The following BTAF1 variants were observed in gnomAD, a reference collection of about 807,000 sequenced individuals.
BTAF1 encodes the protein TATA-binding protein-associated factor 172.
In BTAF1, 38 loss-of-function variants were observed where a neutral mutation model predicts 227.1. The observed-to-expected ratio is 0.17, with a 90% CI of 0.13 to 0.22. The LOEUF is 0.22. Ranked by LOEUF, BTAF1 falls within the 10% of genes least tolerant of loss-of-function variation. The pLI, the probability that BTAF1 is intolerant of heterozygous loss-of-function variation, is 1.00. For missense variants in BTAF1, 1,598 were observed against 2,204.0 expected, an observed-to-expected ratio of 0.73 and a Z score of 5.51; for synonymous variants, 742 against 751.9, an observed-to-expected ratio of 0.99 and a Z score of 0.21.
At chr10:91,992,619 A>G (rs554378470) in intron 21 of BTAF1, among the ~76,000 whole-genome samples, 7 of 152,322 alleles carry the variant, frequency 4.6e-5, no homozygotes, top group Non-Finnish European at 2.9e-5. Context: ...TGTCCTTTCA[A>G]TGCACAAATG....
chr10:92,008,095 T>C (rs1293837195), intron 25 of BTAF1, 28 bp from the exon 26 acceptor site: 1 of 1,554,506 alleles, frequency 6.4e-7, no homozygotes, highest in East Asian at 2.4e-5. Context: ...GTACGTAGTT[T>C]TTAATAACTT....
chr10:92,011,235 G>A, intron 29 of BTAF1, 51 bp from the exon 30 acceptor site: 1 of 1,506,204 alleles, frequency 6.6e-7, no homozygotes, highest in African/African-American at 1.4e-5. Context: ...TCTTCATATA[G>A]TTCCTGACAT....
At position 91,979,590 on chromosome 10, in the gene BTAF1, A is replaced by T. The variant is rs549689349; in HGVS notation, c.1651-864A>T. Among the ~76,000 whole-genome samples, 203 of 151,984 alleles carry T rather than the reference A, an allele frequency of 1.3e-3. 1 individual carries two copies. The highest frequency in any genetic ancestry group is 0.011 in the East Asian group (55 of 5,180). ...CTTAAAAACACTGTATTTAGTGCTT[A>T]AAAAAAGTCATGTGGAGGGCAGGGG... On this transcript the variant is annotated intron_variant, in intron 14 of 37. Coordinates refer to ENST00000265990, the MANE Select transcript of BTAF1 (RefSeq NM_003972.3).
At chr10:91,932,137 G>C (rs1274559432) in intron 1 of BTAF1, among the ~76,000 whole-genome samples, 1 of 152,160 alleles carries the variant, frequency 6.6e-6, no homozygotes, top group African/African-American at 2.4e-5. Context: ...TTAGAGAGGA[G>C]TCTAAGGTCT....
At chr10:92,020,705 A>T (rs1021182332) in intron 34 of BTAF1, among the ~76,000 whole-genome samples, 1 of 152,222 alleles carries the variant, frequency 6.6e-6, no homozygotes, top group Non-Finnish European at 1.5e-5. Context: ...TGTTTGACCA[A>T]ACCTTGCTGT....
Position 91,959,718 on chromosome 10 carries a change from ATG to A in BTAF1, c.991-45_991-44del, listed in dbSNP as rs5786980. On this transcript the variant is annotated intron_variant, in intron 9 of 37. Transcript: ENST00000265990. ...TTTTTAAAAAAATTATGTTAAAAAA[ATG>A]TGTGTGTGTGTGTGTGTGTGTATAT... 1,060 of 346,338 alleles carry A rather than the reference ATG, an allele frequency of 3.1e-3. 18 individuals carry two copies. Among genetic ancestry groups the A allele is most frequent in the Non-Finnish European group, 4.0e-3 (857 of 216,444 alleles). 21.5% of individuals were successfully genotyped at this position (346,338 alleles called of 1,614,324 possible).
intron 14 of BTAF1, 61 bp downstream of exon 14, chr10:91,966,818 C>T: frequency 5.3e-6 from 8 of 1,501,132 alleles, no homozygotes; most frequent in Non-Finnish European, 6.3e-6. Flanking sequence ...TAAAATAAAC[C>T]TGGTCTTTAG....
In BTAF1 at chr10:91,971,395, G is replaced by C. The variant is rs1330571030; in HGVS notation, c.1650+4638G>C. 2.6e-5 allele frequency among the ~76,000 whole-genome samples: 4 copies of C among 151,292 alleles called. No individual in the cohort carries two copies. In the South Asian group the frequency reaches 8.4e-4, roughly 32 times the overall value. ...TGATTCTTAGCAGTCTCTGATTTTG[G>C]TCCCCACATACATGCTTTACTATTT... On this transcript the variant is annotated intron_variant, in intron 14 of 37. Coordinates refer to ENST00000265990, the MANE Select transcript of BTAF1 (RefSeq NM_003972.3).
intron 25 of BTAF1, among the ~76,000 whole-genome samples, chr10:92,002,210 C>T (rs1230751961): frequency 6.6e-6 from 1 of 152,070 alleles, no homozygotes; most frequent in African/African-American, 2.4e-5. Flanking sequence ...GCAATAGAAA[C>T]AAGAATGATG....
chr10:91,957,057 TGA>T (rs1190930023), intron 7 of BTAF1, among the ~76,000 whole-genome samples, 166 bp from the exon 8 acceptor site: 1 of 152,158 alleles, frequency 6.6e-6, no homozygotes, highest in Non-Finnish European at 1.5e-5. Context: ...AATAATCTAT[TGA>T]GAGAAATTTT....
chr10:92,013,211 G>T (rs1023842362), intron 30 of BTAF1, among the ~76,000 whole-genome samples: 1 of 152,176 alleles, frequency 6.6e-6, no homozygotes, highest in South Asian at 2.1e-4. Context: ...GGTAGAATTG[G>T]AAAGAATCTG....
chr10:91,938,990 G>A (rs11186758), intron 2 of BTAF1, among the ~76,000 whole-genome samples: 40,943 of 98,516 alleles, frequency 0.42, 6,837 homozygotes, highest in Non-Finnish European at 0.55. Flanking sequence ...AAAAAAAAAA[G>A]GGGGGGGGGA....
Position 91,924,081 on chromosome 10 carries a change from C to T in BTAF1, c.5C>T (p.Ala2Val), listed in dbSNP as rs868092926. M[A>V]VSRLDRLFIL... Reference sequence around the variant, plus strand: ...CCGAACCGCCGGCGCCCGGCCATGGCGGTCTCCAGGTGGGTCTTGCTCCTG... The same window carrying T: ...CCGAACCGCCGGCGCCCGGCCATGGTGGTCTCCAGGTGGGTCTTGCTCCTG... The change falls in exon 1 of 38, where the codon GCG (alanine) becomes GTG (valine). Residue 2 changes from alanine to valine, a missense_variant. Transcript: ENST00000265990. The T allele has an allele frequency of 5.6e-6, 9 of 1,608,560 alleles. No homozygotes were observed. Among genetic ancestry groups the T allele is most frequent in the Non-Finnish European group, 7.6e-6 (9 of 1,178,354 alleles).
At chr10:92,020,386 A>G (rs1476412222) in intron 34 of BTAF1, among the ~76,000 whole-genome samples, 1 of 152,204 alleles carries the variant, frequency 6.6e-6, no homozygotes, top group Admixed American at 6.5e-5. Flanking sequence ...CAAGCACCAA[A>G]ATGTTAGCAC....
intron 1 of BTAF1, among the ~76,000 whole-genome samples, chr10:91,924,309 C>T (rs980620141): frequency 6.6e-6 from 1 of 152,108 alleles, no homozygotes; most frequent in Admixed American, 6.5e-5. Flanking sequence ...GTTAATAGAC[C>T]CCTTGGCACG....
chr10:92,001,978 A>G (rs1287224057), intron 25 of BTAF1, among the ~76,000 whole-genome samples: 1 of 66,244 alleles, frequency 1.5e-5, no homozygotes, highest in Non-Finnish European at 4.5e-5. Context: ...CCATATATAT[A>G]TATATATACA....
chr10:91,982,183 C>T lies in BTAF1; in HGVS notation c.2006C>T (p.Thr669Ile), dbSNP rs1021068862. ...GACACCATCATGGAAGACCCAGCCACCAGGGATTTTGTAGTTATGCGGGCC... is the reference window on the plus strand; with the variant it reads ...GACACCATCATGGAAGACCCAGCCATCAGGGATTTTGTAGTTATGCGGGCC... ...GADTIMEDPA[T>I]RDFVVMRARM... Residue 669 changes from threonine (T) to isoleucine (I), a missense_variant, in exon 17 of 38, where the codon ACC becomes ATC. By Grantham distance (89) the Thr-to-Ile change is moderately conservative. This residue lies in a region of BTAF1 where 318 missense variants were observed against 435.0 expected (regional missense o/e 0.73). Transcript: ENST00000265990. 4 of 1,613,764 alleles carry T rather than the reference C, an allele frequency of 2.5e-6. No homozygotes were observed. Among genetic ancestry groups the T allele is most frequent in the Non-Finnish European group, 3.4e-6 (4 of 1,179,900 alleles).
chr10:91,930,695 C>T lies in BTAF1; in HGVS notation c.15-4962C>T, dbSNP rs144442098. Among the ~76,000 whole-genome samples, 542 of 152,306 alleles carry T rather than the reference C, an allele frequency of 3.6e-3. 2 individuals are homozygous for T. Among genetic ancestry groups the T allele is most frequent in the Middle Eastern group, 0.01 (3 of 294 alleles). Reference sequence around the variant, plus strand: ...AATATGTGCACTGTACTAAGTTCCACGTATTAAGTACACACTGTACACTAT... The same window carrying T: ...AATATGTGCACTGTACTAAGTTCCATGTATTAAGTACACACTGTACACTAT... On this transcript the variant is annotated intron_variant, in intron 1 of 37. Coordinates refer to ENST00000265990, the MANE Select transcript of BTAF1 (RefSeq NM_003972.3).
At position 92,024,745 on chromosome 10, in the gene BTAF1, T is replaced by TTTTTTTC. The variant is rs1186650254; in HGVS notation, c.4864-10_4864-9insTTTTTCT. ...AACGCTTATGTAGTTTTTTTTTTTT[T>TTTTTTTC]TCTTCCTAAGTTGCTGTTGGACTGC... On this transcript the variant is annotated splice_polypyrimidine_tract_variant and intron_variant, in intron 34 of 37. Coordinates refer to ENST00000265990, the MANE Select transcript of BTAF1 (RefSeq NM_003972.3). The TTTTTTTC allele has an allele frequency of 3.5e-5, 55 of 1,579,072 alleles. No homozygotes were observed. Among genetic ancestry groups the TTTTTTTC allele is most frequent in the Non-Finnish European group, 4.5e-5 (53 of 1,170,606 alleles).
Sources: allele counts gnomAD v4.1 joint callset (sites outside exome capture counted in the v4.1 genomes callset), GRCh38; gene constraint gnomAD v4.1.1; regional missense constraint gnomAD v4.1.1; transcripts MANE v1.5; gene names NCBI Gene and HGNC (gene_info 2026-07-23, HGNC 2026-07-21).